The following ADCY2 variants were observed in gnomAD, a reference collection of about 807,000 sequenced individuals.
The protein encoded by ADCY2 is adenylate cyclase 2.
ADCY2 carries 31 observed loss-of-function variants against 125.2 expected under a neutral mutation model. That is an observed-to-expected ratio of 0.25 (90% CI 0.19 to 0.33). ADCY2 has a LOEUF of 0.33. Among genes scored for constraint, ADCY2 ranks in the 10% least tolerant of loss-of-function variants. The pLI, the probability that ADCY2 is intolerant of heterozygous loss-of-function variation, is 1.00. For synonymous variants in ADCY2, 512 were observed against 548.4 expected (o/e 0.93, Z 0.93); for missense variants, 904 against 1,418.2 (o/e 0.64, Z 5.82).
chr5:7,397,665 G>A (rs1396537735), intron 1 of ADCY2, among the ~76,000 whole-genome samples: 1 of 152,048 alleles, frequency 6.6e-6, no homozygotes, highest in Non-Finnish European at 1.5e-5. Context: ...GTGTTCAAAT[G>A]TTATGCATGG....
At chr5:7,699,873 C>CTGCCT (rs1453432900) in intron 7 of ADCY2, among the ~76,000 whole-genome samples, 2 of 152,222 alleles carry the variant, frequency 1.3e-5, no homozygotes, top group Non-Finnish European at 2.9e-5. Flanking sequence ...TAGGTATGCA[C>CTGCCT]TGCCTGACCC....
chr5:7,763,087 G>A (rs1478362212), intron 16 of ADCY2, among the ~76,000 whole-genome samples: 2 of 150,960 alleles, frequency 1.3e-5, no homozygotes, highest in Non-Finnish European at 2.9e-5. Context: ...TTGTTTTTCT[G>A]TTTCTAATGT....
At chr5:7,748,017 C>T (rs1292683053) in intron 15 of ADCY2, among the ~76,000 whole-genome samples, 4 of 152,214 alleles carry the variant, frequency 2.6e-5, no homozygotes. Context: ...GCATCCTGCT[C>T]CGCATTCTGG....
At chr5:7,501,646 T>TCCCCCACCCCCC (rs1743585370) in intron 2 of ADCY2, among the ~76,000 whole-genome samples, 1 of 40,526 alleles carries the variant, frequency 2.5e-5, no homozygotes, top group African/African-American at 9.9e-5. Flanking sequence ...GATTCCCCCC[T>TCCCCCACCCCCC]CCCCCCCCCC....
intron 4 of ADCY2, among the ~76,000 whole-genome samples, chr5:7,658,546 A>C (rs1401826015): frequency 6.6e-6 from 1 of 151,970 alleles, no homozygotes; most frequent in African/African-American, 2.4e-5. Flanking sequence ...CAGCCTCCCG[A>C]GTAGCTGGGA....
chr5:7,602,560 C>T (rs1267879818), intron 3 of ADCY2, among the ~76,000 whole-genome samples: 1 of 152,178 alleles, frequency 6.6e-6, no homozygotes, highest in Non-Finnish European at 1.5e-5. Flanking sequence ...ATGCTCCATT[C>T]ACCCTTAAAT....
intron 17 of ADCY2, 38 bp from the exon 18 acceptor site, chr5:7,772,884 TCTCAGAAGAG>T (rs1435085467): frequency 6.3e-7 from 1 of 1,577,942 alleles, no homozygotes; most frequent in Non-Finnish European, 8.7e-7. Flanking sequence ...TTTCAGCATT[TCTCAGAAGAG>T]ATCCTAAGTA....
intron 3 of ADCY2, among the ~76,000 whole-genome samples, chr5:7,613,749 G>A (rs376202126): frequency 6.2e-4 from 94 of 152,274 alleles, no homozygotes; most frequent in South Asian, 1.7e-3. Flanking sequence ...ACAATTGTTC[G>A]TGCAGATGAC....
chr5:7,473,968 C>T (rs560558852), intron 2 of ADCY2, among the ~76,000 whole-genome samples: 63 of 152,304 alleles, frequency 4.1e-4, no homozygotes, highest in African/African-American at 1.3e-3. Flanking sequence ...CCCTGTCTTC[C>T]GTTTGTTCAG....
At chr5:7,579,967 C>G (rs1051867296) in intron 3 of ADCY2, among the ~76,000 whole-genome samples, 1 of 152,174 alleles carries the variant, frequency 6.6e-6, no homozygotes, top group African/African-American at 2.4e-5. Flanking sequence ...TTTGCAGCAA[C>G]GTGGATGCAG....
chr5:7,481,262 G>T (rs1742718467), intron 2 of ADCY2, among the ~76,000 whole-genome samples: 1 of 151,930 alleles, frequency 6.6e-6, no homozygotes, highest in South Asian at 2.1e-4. Flanking sequence ...TCTGTTTTTT[G>T]TTGTTGCTGT....
chr5:7,791,668 C>T (rs1391317829), intron 20 of ADCY2, among the ~76,000 whole-genome samples: 2 of 152,104 alleles, frequency 1.3e-5, no homozygotes, highest in East Asian at 3.9e-4. Flanking sequence ...TATTAAAGGG[C>T]CCTCTGTTCT....
At chr5:7,584,519 G>A (rs1334835125) in intron 3 of ADCY2, among the ~76,000 whole-genome samples, 1 of 152,066 alleles carries the variant, frequency 6.6e-6, no homozygotes, top group Non-Finnish European at 1.5e-5. Flanking sequence ...TCAAAAAGAA[G>A]AAAGTATAGA....
At chr5:7,524,244 A>T (rs2126537132) in intron 3 of ADCY2, among the ~76,000 whole-genome samples, 1 of 152,364 alleles carries the variant, frequency 6.6e-6, no homozygotes. Context: ...TTGAAACAAT[A>T]ACAGACTTAC....
chr5:7,414,489 TTGA>T, intron 1 of ADCY2, 81 bp from the exon 2 acceptor site: 1 of 1,188,966 alleles, frequency 8.4e-7, no homozygotes, highest in Non-Finnish European at 1.2e-6. Context: ...TTGACAAGCG[TTGA>T]TGACATTTTA....
intron 3 of ADCY2, among the ~76,000 whole-genome samples, chr5:7,608,180 CCAGA>C (rs1453456776): frequency 6.6e-6 from 1 of 152,146 alleles, no homozygotes; most frequent in Non-Finnish European, 1.5e-5. Context: ...ATCCGATAGA[CCAGA>C]CAGTTTATGA....
At chr5:7,672,733 C>T (rs562212678) in intron 4 of ADCY2, among the ~76,000 whole-genome samples, 1 of 152,298 alleles carries the variant, frequency 6.6e-6, no homozygotes, top group South Asian at 2.1e-4. Flanking sequence ...TTATTTTTCA[C>T]AAATCAAGTT....
chr5:7,734,825 C>G (rs1742198940), intron 14 of ADCY2, among the ~76,000 whole-genome samples: 1 of 152,192 alleles, frequency 6.6e-6, no homozygotes, highest in African/African-American at 2.4e-5. Context: ...AATTTAGAAG[C>G]CATGGTTCCA....
rs1247442228 is a variant in ADCY2 at position 7,724,718 on chromosome 5, C to T, written c.1773+104C>T. The stretch of plus-strand genomic sequence containing the variant: ...TTTATATGTGACATTTAAACTGCCT[C>T]TGACTATATTCGAACTCTTTCTGGC... On this transcript the variant is annotated intron_variant, in intron 13 of 24. Coordinates refer to ENST00000338316, the MANE Select transcript of ADCY2 (RefSeq NM_020546.3). The T allele has an allele frequency of 3.7e-6, 3 of 802,294 alleles. No homozygotes were observed. The African/African-American group carries it at 5.3e-5, about 14-fold the overall frequency. 49.7% of individuals were successfully genotyped at this position (802,294 alleles called of 1,614,324 possible). A position where few individuals can be genotyped will look rare whatever the true frequency, so the allele number is the denominator to read the frequency against.
Sources: allele counts gnomAD v4.1 joint callset (sites outside exome capture counted in the v4.1 genomes callset), GRCh38; gene constraint gnomAD v4.1.1; transcripts MANE v1.5; gene names NCBI Gene and HGNC (gene_info 2026-07-23, HGNC 2026-07-21).